Variants in BRD1 observed in about 807,000 individuals in gnomAD.
BRD1 encodes the protein bromodomain containing 1.
A neutral mutation model predicts 107.7 loss-of-function variants in BRD1; 24 were observed. That is an observed-to-expected ratio of 0.22 (90% CI 0.16 to 0.31). The LOEUF is 0.31. Among genes scored for constraint, BRD1 ranks in the 10% least tolerant of loss-of-function variants. The pLI, the probability that BRD1 is intolerant of heterozygous loss-of-function variation, is 1.00. For missense variants in BRD1, 1,279 were observed against 1,638.6 expected (o/e 0.78, Z 3.79); for synonymous variants, 744 against 686.1 (o/e 1.08, Z -1.32).
At chr22:49,782,019 G>A (rs1034567415) in intron 8 of BRD1, among the ~76,000 whole-genome samples, 13 of 148,166 alleles carry the variant, frequency 8.8e-5, no homozygotes, top group Non-Finnish European at 1.2e-4. Context: ...GACTTGCTCC[G>A]TGACAATGCA....
At chr22:49,822,435 G>A (rs1311767838) in intron 2 of BRD1, among the ~76,000 whole-genome samples, 1 of 146,866 alleles carries the variant, frequency 6.8e-6, no homozygotes. Context: ...AAAAAAAAAA[G>A]GCTGAGCAAG....
At chr22:49,778,962 T>C (rs943554542) in intron 8 of BRD1, among the ~76,000 whole-genome samples, 4 of 152,204 alleles carry the variant, frequency 2.6e-5, no homozygotes, top group Non-Finnish European at 4.4e-5. Context: ...CACCCGGCCA[T>C]GTGAATTTTT....
chr22:49,821,328 A>G (rs1355790268), intron 2 of BRD1, among the ~76,000 whole-genome samples: 1 of 152,214 alleles, frequency 6.6e-6, no homozygotes, highest in East Asian at 1.9e-4. Context: ...TAAAGCTGAA[A>G]TTTTTAGACC....
At chr22:49,804,139 T>A (rs998779632) in intron 3 of BRD1, 65 bp downstream of exon 3, 3 of 1,419,760 alleles carry the variant, frequency 2.1e-6, no homozygotes, top group African/African-American at 2.8e-5. Context: ...CTGAACCAGG[T>A]GCCCTCTCCC....
rs879801108 is a variant in BRD1, at chr22:49,783,418, G to A, written c.2857+3972C>T. 1.1e-4 allele frequency among the ~76,000 whole-genome samples: 17 copies of A among 152,218 alleles called. No individual in the cohort carries two copies. Among genetic ancestry groups the A allele is most frequent in the Non-Finnish European group, 1.9e-4 (13 of 68,032 alleles). On this transcript the variant is annotated intron_variant, in intron 8 of 12. Coordinates refer to ENST00000404760, the MANE Select transcript of BRD1 (RefSeq NM_001304808.3). The surrounding 1 kb of genome is among the most constrained non-coding windows in gnomAD (Gnocchi z 4.2). ...AAGATGCTAGCGAGTGAGTGAGCAC[G>A]CACTGTCCATGCCACATCCTCAGAC...
chr22:49,811,819 G>A (rs550790227), intron 2 of BRD1, among the ~76,000 whole-genome samples: 15 of 152,312 alleles, frequency 9.8e-5, no homozygotes, highest in Admixed American at 3.9e-4. Flanking sequence ...GGGACACACC[G>A]CACAGGCGAA....
rs762997518 is a variant in BRD1, at chr22:49,823,049, T to C, written c.1269A>G (p.Thr423=). The C allele has an allele frequency of 3.1e-6, 5 of 1,614,254 alleles. No individual in the cohort carries two copies. The highest frequency in any genetic ancestry group is 4.2e-6 in the Non-Finnish European group (5 of 1,180,050). ...TTTTTGCCTTCTTCCTGACCTTGGA[T>C]GTGGACCTGACCGTTTTAACCGAGC... ...KESSVKTVRS[T]SKVRKKAKKA... Residue 423 remains threonine (T), a synonymous_variant, in exon 2 of 13, where the codon ACA becomes ACG. Transcript: ENST00000404760.
chr22:49,799,146 T>C (rs753409657), intron 3 of BRD1, 27 bp from the exon 4 acceptor site: 1 of 1,595,386 alleles, frequency 6.3e-7, no homozygotes. Flanking sequence ...CTTCCGTCAG[T>C]CAAACCCAGA....
rs774151164 is a variant in BRD1 at position 49,823,547 on chromosome 22, G to A, written c.771C>T (p.Leu257=). 3 of 1,601,408 alleles carry A rather than the reference G, an allele frequency of 1.9e-6. No individual in the cohort carries two copies. The African/African-American group carries it at 4.0e-5, about 21-fold the overall frequency. The change falls in exon 2 of 13, where the codon CTC becomes CTT. Residue 257 remains leucine (L), a synonymous_variant. Coordinates refer to ENST00000404760, the MANE Select transcript of BRD1 (RefSeq NM_001304808.3). ...CCCGCGACTGCAGGCAGTGGCGGCA[G>A]AGCCACTGGCCCTCGGGGATGTAGG... ...GVPYIPEGQW[L]CRHCLQSRAR...
chr22:49,774,957 C>T (rs1281051323), intron 12 of BRD1, among the ~76,000 whole-genome samples: 2 of 152,248 alleles, frequency 1.3e-5, no homozygotes, highest in Non-Finnish European at 2.9e-5. Context: ...CAAGTGCAGC[C>T]AGCTCCACGG....
intron 8 of BRD1, among the ~76,000 whole-genome samples, chr22:49,784,554 G>A: frequency 6.6e-6 from 1 of 152,278 alleles, no homozygotes; most frequent in African/African-American, 2.4e-5. Flanking sequence ...CACAGTGAGT[G>A]CGTCGCCTCA....
chr22:49,798,178 T>C (rs1358348408), intron 5 of BRD1, 61 bp from the exon 6 acceptor site: 3 of 1,448,330 alleles, frequency 2.1e-6, no homozygotes, highest in Non-Finnish European at 2.8e-6. Flanking sequence ...GTTGACTCTA[T>C]ATTTATTATT....
rs556102993 is a variant in BRD1 at position 49,797,484 on chromosome 22, T to C, written c.2098+321A>G. Among the ~76,000 whole-genome samples the C allele has an allele frequency of 2.0e-5, 3 of 152,248 alleles. No homozygotes were observed. The East Asian group carries it at 5.8e-4, about 29-fold the overall frequency. The stretch of plus-strand genomic sequence containing the variant: ...GTGGGCACCCAAAACGCAGCCAGTC[T>C]GAAGTGACAGGTGCTGAGCGTAAAA... On this transcript the variant is annotated intron_variant, in intron 6 of 12. Transcript: ENST00000404760.
chr22:49,801,464 C>G (rs1039806659), intron 3 of BRD1, among the ~76,000 whole-genome samples: 5 of 152,240 alleles, frequency 3.3e-5, no homozygotes, highest in African/African-American at 1.2e-4. Flanking sequence ...TCAGGTACTT[C>G]CAAAGCTTCA....
intron 3 of BRD1, among the ~76,000 whole-genome samples, chr22:49,799,861 G>A (rs1168053801): frequency 1.3e-5 from 2 of 152,226 alleles, no homozygotes. Flanking sequence ...CCTCAGCCCT[G>A]TCCTCACCAT....
chr22:49,789,499 CG>C (rs1347633197), intron 7 of BRD1, among the ~76,000 whole-genome samples: 12 of 150,810 alleles, frequency 8.0e-5, no homozygotes, highest in Non-Finnish European at 1.5e-4. Context: ...CTCCCCCCCC[CG>C]CCCCGAGCTC....
chr22:49,813,218 C>T lies in BRD1; in HGVS notation c.1368-8858G>A, dbSNP rs114217250. On this transcript the variant is annotated intron_variant, in intron 2 of 12. Coordinates refer to ENST00000404760, the MANE Select transcript of BRD1 (RefSeq NM_001304808.3). Reference sequence around the variant, plus strand: ...CCAACCTAGGCAACACAGTGAGACGCCATCTCTATTTTTTGTTTTTTTGAG... The same window carrying T: ...CCAACCTAGGCAACACAGTGAGACGTCATCTCTATTTTTTGTTTTTTTGAG... 3.4e-3 allele frequency among the ~76,000 whole-genome samples: 518 copies of T among 152,242 alleles called. 2 individuals carry two copies. The highest frequency in any genetic ancestry group is 0.012 in the African/African-American group (500 of 41,552).
intron 7 of BRD1, 111 bp downstream of exon 7, chr22:49,793,923 G>A (rs1339207832): frequency 2.1e-6 from 3 of 1,430,262 alleles, no homozygotes; most frequent in African/African-American, 2.9e-5. Context: ...GCGCTAACCT[G>A]AGCCTCCGTG....
At chr22:49,779,988 G>C (rs1052197252) in intron 8 of BRD1, among the ~76,000 whole-genome samples, 1 of 152,240 alleles carries the variant, frequency 6.6e-6, no homozygotes, top group Non-Finnish European at 1.5e-5. Flanking sequence ...CCAGACCCCA[G>C]GTGCAGGGTG....
Sources: allele counts gnomAD v4.1 joint callset (sites outside exome capture counted in the v4.1 genomes callset), GRCh38; gene constraint gnomAD v4.1.1; non-coding constraint Gnocchi (gnomAD v3.1); transcripts MANE v1.5; gene names NCBI Gene and HGNC (gene_info 2026-07-23, HGNC 2026-07-21).